Variants in MTM1 observed in about 807,000 individuals in gnomAD.
MTM1 encodes myotubularin 1, also known as myotubularin.
Under a neutral mutation model 52.1 loss-of-function variants are expected in MTM1, and 9 were observed. The ratio of observed to expected loss-of-function variants is 0.17; its 90% CI spans 0.10 to 0.30. The LOEUF is 0.30. MTM1 is among the 10% of genes least tolerant of loss of function. The pLI is 1.00. For synonymous variants in MTM1, 136 were observed against 163.8 expected (o/e 0.83, Z 1.29); for missense variants, 277 against 470.7 (o/e 0.59, Z 3.81).
chrX:150,646,806 C>T (rs2039939061), intron 9 of MTM1, among the ~76,000 whole-genome samples: 1 of 112,327 alleles, frequency 8.9e-6, no homozygotes, highest in Admixed American at 9.4e-5. Context: ...GAAAGCAAAA[C>T]AAGTTCTTGA....
upstream of MTM1, among the ~76,000 whole-genome samples, chrX:150,566,596 A>G (rs782526306): frequency 1.8e-5 from 2 of 110,540 alleles, no homozygotes; most frequent in East Asian, 5.7e-4. Context: ...GTTGAATTGC[A>G]TCTTTCTAGA....
rs16995740 is a variant in MTM1 at position 150,639,096 on chromosome X, G to A, written c.528+70G>A. 0.091 allele frequency: 78,460 copies of A among 862,579 alleles called. 3,132 individuals carry two copies. The highest frequency in any genetic ancestry group is 0.23 in the African/African-American group (11,836 of 50,430). The allele number at this position is 862,579 out of a possible 1,213,427, so 71.1% of individuals were successfully genotyped here. ...CATGCATTATGACAGTATGTCATCA[G>A]CCATGCTTTCTGAAAATCAGCGACA... On this transcript the variant is annotated intron_variant, in intron 7 of 14. Transcript: ENST00000370396.
chrX:150,568,493 T>TTCCTGCC (rs2038295058), upstream of MTM1: 1 of 113,713 alleles, frequency 8.8e-6, no homozygotes, highest in Non-Finnish European at 1.9e-5. Context: ...CGGCGCACTC[T>TTCCTGCC]TCCTGCCCCC....
chrX:150,591,282 T>G (rs1446229122), intron 1 of MTM1, among the ~76,000 whole-genome samples: 1 of 112,194 alleles, frequency 8.9e-6, no homozygotes, highest in Non-Finnish European at 1.9e-5. Context: ...TGAACTAGTA[T>G]ACATGTTTGC....
chrX:150,593,109 G>A (rs186530068), intron 2 of MTM1, among the ~76,000 whole-genome samples: 16 of 112,688 alleles, frequency 1.4e-4, no homozygotes, highest in Middle Eastern at 4.6e-3. Context: ...CTCCCAAAGT[G>A]CTGGGATTTA....
intron 14 of MTM1, among the ~76,000 whole-genome samples, chrX:150,665,090 T>C (rs73620671): frequency 0.033 from 3,745 of 112,004 alleles, 149 homozygotes; most frequent in African/African-American, 0.11. Context: ...AGAGGAGTGC[T>C]CATTCTCTGG....
intron 8 of MTM1, among the ~76,000 whole-genome samples, chrX:150,644,147 A>G (rs1158067138): frequency 4.5e-5 from 5 of 111,772 alleles, no homozygotes; most frequent in African/African-American, 1.6e-4. Flanking sequence ...TTATTAAAAT[A>G]ATAAAAAATA....
At chrX:150,569,486 C>T (rs1557411374) in intron 1 of MTM1, among the ~76,000 whole-genome samples, 2 of 112,727 alleles carry the variant, frequency 1.8e-5, no homozygotes, top group African/African-American at 6.4e-5. Flanking sequence ...CAGATCTTCA[C>T]AAGAATAAAA....
intron 3 of MTM1, chrX:150,596,851 G>A: frequency 3.5e-6 from 1 of 284,849 alleles, no homozygotes; most frequent in East Asian, 6.9e-5. Flanking sequence ...TCTCATTGGA[G>A]CCATAAGCTC....
At chrX:150,656,107 G>A (rs1557414401) in intron 10 of MTM1, among the ~76,000 whole-genome samples, 1 of 111,089 alleles carries the variant, frequency 9.0e-6, no homozygotes, top group Non-Finnish European at 1.9e-5. Context: ...CAGTCTAGAC[G>A]CGACCTGTTG....
intron 2 of MTM1, among the ~76,000 whole-genome samples, chrX:150,595,384 C>T (rs986071271): frequency 9.0e-6 from 1 of 111,560 alleles, no homozygotes; most frequent in Non-Finnish European, 1.9e-5. Flanking sequence ...TCTCTTGAAC[C>T]TGGGAGCTGG....
chrX:150,660,029 C>T (rs1271089634), intron 12 of MTM1, among the ~76,000 whole-genome samples: 14 of 111,905 alleles, frequency 1.3e-4, no homozygotes, highest in African/African-American at 2.9e-4. Context: ...AATACCAAGT[C>T]GTCGTTTATA....
chrX:150,614,677 A>G lies in MTM1; in HGVS notation c.320A>G (p.Tyr107Cys). The stretch of plus-strand genomic sequence containing the variant: ...GCGACAAGTAGAGGAGAAAATTCCT[A>G]TGGTCTAGATATTACTTGTAAAGTA... ...GGATSRGENS[Y>C]GLDITCKDMR... is the part of the protein sequence containing the mutation. Residue 107 changes from tyrosine to cysteine, a missense_variant, in exon 5 of 15, where the codon TAT becomes TGT. Physicochemically the swap from Tyr to Cys is radical, Grantham distance 194 (BLOSUM62 -2). This residue lies in a region of MTM1 where 164 missense variants were observed against 283.3 expected (regional missense o/e 0.58). Transcript: ENST00000370396. 1 of 1,159,014 alleles carries G rather than the reference A, an allele frequency of 8.6e-7. No individual in the cohort carries two copies. Among genetic ancestry groups the G allele is most frequent in the Non-Finnish European group, 1.2e-6 (1 of 848,525 alleles).
intron 3 of MTM1, among the ~76,000 whole-genome samples, chrX:150,597,915 C>G (rs782351860): frequency 2.7e-5 from 3 of 110,781 alleles, no homozygotes; most frequent in African/African-American, 9.9e-5. Flanking sequence ...AGCAAAACTT[C>G]ATCTTTACTA....
At chrX:150,655,063 C>A (rs1446576236) in intron 10 of MTM1, among the ~76,000 whole-genome samples, 4 of 111,408 alleles carry the variant, frequency 3.6e-5, no homozygotes, top group African/African-American at 1.3e-4. Context: ...CAGTGGCTCA[C>A]ACGTGTAATC....
intron 8 of MTM1, among the ~76,000 whole-genome samples, chrX:150,643,222 A>G (rs917229023): frequency 1.8e-5 from 2 of 111,927 alleles, no homozygotes; most frequent in Non-Finnish European, 3.8e-5. Flanking sequence ...ATGTAAAAAT[A>G]CAAAAGGAAG....
intron 14 of MTM1, among the ~76,000 whole-genome samples, chrX:150,668,709 C>G (rs1557415052): frequency 1.8e-5 from 2 of 109,420 alleles, no homozygotes. Flanking sequence ...AAGTGAGACC[C>G]TGTCTCTTTA....
intron 14 of MTM1, among the ~76,000 whole-genome samples, chrX:150,667,872 GGGTAGAAT>G (rs1472985398): frequency 2.7e-5 from 3 of 112,370 alleles, no homozygotes; most frequent in African/African-American, 9.7e-5. Flanking sequence ...TGCCTGTAGT[GGGTAGAAT>G]GGTGTGTCCC....
In MTM1 at chrX:150,671,432, C is replaced by G; in HGVS notation, c.1649C>G (p.Pro550Arg). ...RWNPRIKQQQ[P>R]NPVEQRYMEL... ...CAAGTCTCTGGTTCTCTCCAGCAGC[C>G]GAATCCAGTGGAGCAGCGTTACATG... Residue 550 changes from proline (P) to arginine (R), a missense_variant, in exon 15 of 15, where the codon CCG becomes CGG. By Grantham distance (103) the Pro-to-Arg change is moderately radical. This residue lies in a region of MTM1 where 51 missense variants were observed against 52.2 expected (regional missense o/e 0.98). Coordinates refer to ENST00000370396, the MANE Select transcript of MTM1 (RefSeq NM_000252.3). The G allele has an allele frequency of 4.1e-6, 5 of 1,211,204 alleles. No individual in the cohort carries two copies. Among genetic ancestry groups the G allele is most frequent in the Non-Finnish European group, 5.6e-6 (5 of 895,358 alleles).
Sources: allele counts gnomAD v4.1 joint callset (sites outside exome capture counted in the v4.1 genomes callset), GRCh38; gene constraint gnomAD v4.1.1; regional missense constraint gnomAD v4.1.1; transcripts MANE v1.5; gene names NCBI Gene and HGNC (gene_info 2026-07-23, HGNC 2026-07-21).